NXPE4: variants seen among roughly 807,000 people sequenced by gnomAD.
NXPE4 encodes the protein NXPE family member 4.
A neutral mutation model predicts 33.3 loss-of-function variants in NXPE4; 42 were observed. The observed-to-expected ratio is 1.26, with a 90% CI of 0.98 to 1.63. NXPE4 has a LOEUF of 1.63. NXPE4 is among the 40% of genes most tolerant of loss of function. NXPE4 has a pLI of 0.00. For missense variants in NXPE4, 709 were observed against 647.6 expected, an observed-to-expected ratio of 1.09 and a Z score of -1.03; for synonymous variants, 253 against 234.9, an observed-to-expected ratio of 1.08 and a Z score of -0.71.
the NXPE4 span, among the ~76,000 whole-genome samples, chr11:114,641,788 C>T: frequency 8.0e-3 from 1,222 of 151,962 alleles, 10 homozygotes; most frequent in Non-Finnish European, 0.012. Context: ...AATACAGAAG[C>T]GATTAATTTT....
the NXPE4 span, among the ~76,000 whole-genome samples, chr11:114,645,159 G>C: frequency 6.6e-6 from 1 of 151,940 alleles, no homozygotes; most frequent in African/African-American, 2.4e-5. Context: ...AAAATTAGCT[G>C]GGCGTGATGG....
At chr11:114,610,946 T>G in the NXPE4 span, among the ~76,000 whole-genome samples, 1 of 151,854 alleles carries the variant, frequency 6.6e-6, no homozygotes, top group Non-Finnish European at 1.5e-5. Context: ...TAACCACTGT[T>G]GCCTGGTTTG....
In NXPE4 at chr11:114,581,261, T is replaced by G. The variant is rs111550530; in HGVS notation, c.892+464A>C. Among the ~76,000 whole-genome samples the G allele has an allele frequency of 2.2e-3, 339 of 152,268 alleles. 1 individual carries two copies. The highest frequency in any genetic ancestry group is 7.7e-3 in the African/African-American group (320 of 41,550). On this transcript the variant is annotated intron_variant, in intron 4 of 5. Coordinates refer to ENST00000375478, the MANE Select transcript of NXPE4 (RefSeq NM_001077639.2). ...AATATAAGTGTGCAAGTTCTATTTTTTATGCTAACAATTGTTTGAAAGGTG... is the reference window on the plus strand; with the variant it reads ...AATATAAGTGTGCAAGTTCTATTTTGTATGCTAACAATTGTTTGAAAGGTG...
the NXPE4 span, among the ~76,000 whole-genome samples, chr11:114,640,598 C>T: frequency 2.0e-5 from 3 of 150,958 alleles, no homozygotes; most frequent in Non-Finnish European, 1.5e-5. Flanking sequence ...TCCCTTTTCA[C>T]CACATCTTCA....
Position 114,570,881 on chromosome 11 carries a change from G to A in NXPE4, c.*57C>T. On this transcript the variant is annotated 3_prime_UTR_variant, in exon 6 of 6. Coordinates refer to ENST00000375478, the MANE Select transcript of NXPE4 (RefSeq NM_001077639.2). ...GCCAAACACAGCATCTGGCCTGCTA[G>A]TAGACAGTCAATAAATTTTTTTACT... is the stretch of plus-strand genomic sequence containing the variant. 2 of 1,257,216 alleles carry A rather than the reference G, an allele frequency of 1.6e-6. No homozygotes were observed. Among genetic ancestry groups the A allele is most frequent in the Non-Finnish European group, 2.2e-6 (2 of 908,092 alleles). 77.9% of individuals were successfully genotyped at this position (1,257,216 alleles called of 1,614,324 possible).
intron 2 of NXPE4, among the ~76,000 whole-genome samples, chr11:114,588,535 C>T (rs1370023580): frequency 6.6e-6 from 1 of 151,818 alleles, no homozygotes; most frequent in Non-Finnish European, 1.5e-5. Flanking sequence ...CTATAGTAGG[C>T]CAAAAGGGAA....
intron 2 of NXPE4, among the ~76,000 whole-genome samples, chr11:114,589,356 T>G (rs994862568): frequency 6.6e-6 from 1 of 152,106 alleles, no homozygotes; most frequent in African/African-American, 2.4e-5. Flanking sequence ...AAGGTGGACC[T>G]CCTTCTGGAC....
the NXPE4 span, among the ~76,000 whole-genome samples, chr11:114,608,806 G>T: frequency 3.1e-3 from 472 of 151,914 alleles, 1 homozygote; most frequent in African/African-American, 0.01. Context: ...AATAAGTGTT[G>T]CCTCGTGGGT....
At chr11:114,611,152 G>A in the NXPE4 span, among the ~76,000 whole-genome samples, 42 of 151,560 alleles carry the variant, frequency 2.8e-4, no homozygotes, top group Admixed American at 6.6e-4. Flanking sequence ...CTGTTACCCG[G>A]AGGATAATAA....
the NXPE4 span, among the ~76,000 whole-genome samples, chr11:114,602,979 T>G: frequency 6.6e-6 from 1 of 150,500 alleles, no homozygotes; most frequent in African/African-American, 2.4e-5. Flanking sequence ...AATCATATAA[T>G]TATCTCATAT....
intron 2 of NXPE4, among the ~76,000 whole-genome samples, chr11:114,589,685 A>G (rs1949396453): frequency 6.6e-6 from 1 of 152,168 alleles, no homozygotes; most frequent in African/African-American, 2.4e-5. Context: ...TGTAACCACT[A>G]TGCCAGTCTG....
the NXPE4 span, among the ~76,000 whole-genome samples, chr11:114,642,721 C>T: frequency 2.0e-5 from 3 of 152,040 alleles, no homozygotes; most frequent in African/African-American, 7.2e-5. Context: ...CTGCAATATA[C>T]ATATGTGTGC....
chr11:114,639,737 A>ATAAT, the NXPE4 span, among the ~76,000 whole-genome samples: 17 of 105,568 alleles, frequency 1.6e-4, 2 homozygotes, highest in African/African-American at 5.4e-4. Flanking sequence ...TATAATATAA[A>ATAAT]ATAATATATA....
intron 5 of NXPE4, 71 bp downstream of exon 5, chr11:114,580,061 C>A: frequency 7.8e-7 from 1 of 1,287,206 alleles, no homozygotes; most frequent in Non-Finnish European, 1.1e-6. Flanking sequence ...TTCCCATATT[C>A]CCTTCTCCCC....
the NXPE4 span, among the ~76,000 whole-genome samples, chr11:114,628,802 A>G: frequency 6.6e-6 from 1 of 152,022 alleles, no homozygotes; most frequent in Non-Finnish European, 1.5e-5. Context: ...AAAAGAGAGA[A>G]GAATCAAATA....
At chr11:114,587,817 G>A (rs1949343480) in intron 2 of NXPE4, among the ~76,000 whole-genome samples, 1 of 152,176 alleles carries the variant, frequency 6.6e-6, no homozygotes, top group African/African-American at 2.4e-5. Flanking sequence ...AGTGCTTTCT[G>A]AAGCACTGGG....
chr11:114,585,609 G>GTA (rs1180473706), intron 2 of NXPE4, among the ~76,000 whole-genome samples: 2 of 151,622 alleles, frequency 1.3e-5, no homozygotes, highest in Admixed American at 6.6e-5. Context: ...GTGTGTGTGT[G>GTA]TATATATATG....
At chr11:114,637,187 T>C in the NXPE4 span, among the ~76,000 whole-genome samples, 1 of 151,964 alleles carries the variant, frequency 6.6e-6, no homozygotes, top group African/African-American at 2.4e-5. Flanking sequence ...TTAGCTCTTC[T>C]TGTTGAGTTG....
the NXPE4 span, among the ~76,000 whole-genome samples, chr11:114,633,309 ATATAAT>A: frequency 1.0e-4 from 14 of 140,032 alleles, no homozygotes; most frequent in Non-Finnish European, 1.8e-4. Context: ...GTAATAAAAT[ATATAAT>A]TATATTATGT....
Sources: gnomAD v4.1 joint callset for allele counts (sites outside exome capture counted in the v4.1 genomes callset) on GRCh38, gnomAD v4.1.1 for gene constraint, MANE v1.5 for transcripts, NCBI Gene and HGNC (gene_info 2026-07-23, HGNC 2026-07-21) for gene names.